ZPLD1: variants seen among roughly 807,000 people sequenced by gnomAD.
ZPLD1 encodes the protein zona pellucida like domain containing 1, also known as zona pellucida-like domain-containing protein 1.
ZPLD1 carries 34 observed loss-of-function variants against 47.2 expected under a neutral mutation model. That is an observed-to-expected ratio of 0.72 (90% CI 0.55 to 0.96). ZPLD1 has a LOEUF of 0.96. Among genes scored for constraint, ZPLD1 ranks in the 40% least tolerant of loss-of-function variants. The probability of loss-of-function intolerance (pLI) is 0.00; values close to 1 mark genes in which losing one functional copy is unlikely to be tolerated. For missense variants in ZPLD1, 512 were observed against 505.8 expected, an observed-to-expected ratio of 1.01 and a Z score of -0.12; for synonymous variants, 176 against 186.2, an observed-to-expected ratio of 0.95 and a Z score of 0.45.
chr3:102,443,620 C>T lies in ZPLD1; in HGVS notation c.106+5027C>T, dbSNP rs575036342. ...TGCTTGACTAAGGAAATCTTTTATT[C>T]GGTAATATTTTTAATATTTTAATAT... is the stretch of plus-strand genomic sequence containing the variant. On this transcript the variant is annotated intron_variant, in intron 3 of 11. Coordinates refer to ENST00000466937, the MANE Select transcript of ZPLD1 (RefSeq NM_001329788.2). Among the ~76,000 whole-genome samples, 34 of 152,094 alleles carry T rather than the reference C, an allele frequency of 2.2e-4. 1 individual carries two copies. The highest frequency in any genetic ancestry group is 3.9e-4 in the East Asian group (2 of 5,182).
intron 8 of ZPLD1, among the ~76,000 whole-genome samples, chr3:102,466,402 T>A (rs1260573217): frequency 6.6e-6 from 1 of 152,190 alleles, no homozygotes; most frequent in Admixed American, 6.5e-5. Flanking sequence ...TTTCTTGCAG[T>A]GTTCCAATAT....
intron 3 of ZPLD1, among the ~76,000 whole-genome samples, chr3:102,446,788 A>G: frequency 6.6e-6 from 1 of 152,168 alleles, no homozygotes; most frequent in Non-Finnish European, 1.5e-5. Flanking sequence ...ACAAATCTCT[A>G]GTATATCATT....
chr3:102,426,377 G>T (rs2107310559), intron 8 of ZPLD1, among the ~76,000 whole-genome samples: 1 of 152,132 alleles, frequency 6.6e-6, no homozygotes, highest in East Asian at 1.9e-4. Context: ...AATTAGCCAG[G>T]TGTGGTGGTG....
At chr3:102,463,353 C>T (rs1050769784) in intron 7 of ZPLD1, among the ~76,000 whole-genome samples, 1 of 152,160 alleles carries the variant, frequency 6.6e-6, no homozygotes, top group African/African-American at 2.4e-5. Context: ...TTATAACATT[C>T]TCTGATTCTG....
intron 8 of ZPLD1, among the ~76,000 whole-genome samples, chr3:102,426,383 T>C (rs1398777660): frequency 6.6e-6 from 1 of 151,952 alleles, no homozygotes; most frequent in Non-Finnish European, 1.5e-5. Flanking sequence ...CCAGGTGTGG[T>C]GGTGCATGCC....
At chr3:102,422,747 G>A (rs936192399) in intron 8 of ZPLD1, among the ~76,000 whole-genome samples, 3 of 152,058 alleles carry the variant, frequency 2.0e-5, no homozygotes, top group African/African-American at 7.2e-5. Flanking sequence ...TTTGGGAACT[G>A]TAGCAAGTCT....
chr3:102,468,286 A>G (rs1707628842), intron 8 of ZPLD1, among the ~76,000 whole-genome samples: 1 of 152,158 alleles, frequency 6.6e-6, no homozygotes, highest in Non-Finnish European at 1.5e-5. Context: ...GATTATATGG[A>G]TGTATTCTGT....
At chr3:102,471,143 A>T (rs1231912482) in intron 10 of ZPLD1, among the ~76,000 whole-genome samples, 1 of 152,080 alleles carries the variant, frequency 6.6e-6, no homozygotes, top group African/African-American at 2.4e-5. Flanking sequence ...GTCGCCCATG[A>T]CTACTAATTT....
At chr3:102,407,392 A>AATATAT (rs63183460) in intron 7 of ZPLD1, among the ~76,000 whole-genome samples, 1,061 of 37,692 alleles carry the variant, frequency 0.028, 63 homozygotes, top group Non-Finnish European at 0.042. Flanking sequence ...TTGATTTTCA[A>AATATAT]ATATATATAT....
chr3:102,469,169 G>T, intron 9 of ZPLD1, 34 bp downstream of exon 9: 1 of 1,593,714 alleles, frequency 6.3e-7, no homozygotes, highest in East Asian at 2.2e-5. Context: ...TTAAGTTGTT[G>T]AATTGATCTA....
rs1707803633 is a variant in ZPLD1, at chr3:102,479,233, T to C, written c.*1615T>C. On this transcript the variant is annotated 3_prime_UTR_variant, in exon 12 of 12. Coordinates refer to ENST00000466937, the MANE Select transcript of ZPLD1 (RefSeq NM_001329788.2). ...CATAAAAAGCCAATCTACTCTTCCC[T>C]GTGTTACTTTAAAATAACTTTGAAG... 6.6e-6 allele frequency: 1 copy of C among 152,204 alleles called. No homozygotes were observed. Among genetic ancestry groups the C allele is most frequent in the Non-Finnish European group, 1.5e-5 (1 of 68,014 alleles). The allele number at this position is 152,204 out of a possible 1,614,324, so 9.4% of individuals were successfully genotyped here. A position where few individuals can be genotyped will look rare whatever the true frequency, so the allele number is the denominator to read the frequency against.
At chr3:102,424,262 C>G (rs933139945) in intron 8 of ZPLD1, among the ~76,000 whole-genome samples, 2 of 152,080 alleles carry the variant, frequency 1.3e-5, no homozygotes, top group Non-Finnish European at 2.9e-5. Flanking sequence ...CATTTCCTTT[C>G]TCTGCCATCA....
chr3:102,398,912 A>T (rs781080557), intron 7 of ZPLD1, among the ~76,000 whole-genome samples: 12 of 152,180 alleles, frequency 7.9e-5, no homozygotes, highest in Non-Finnish European at 1.6e-4. Context: ...ATATGCACGC[A>T]CACACTTTTA....
chr3:102,388,515 A>G (rs1444657137), intron 6 of ZPLD1, among the ~76,000 whole-genome samples: 1 of 148,786 alleles, frequency 6.7e-6, no homozygotes, highest in Non-Finnish European at 1.5e-5. Context: ...ATACTAATTT[A>G]TCTCTGAGGA....
chr3:102,385,973 C>G (rs1160825354), intron 6 of ZPLD1, among the ~76,000 whole-genome samples: 1 of 152,190 alleles, frequency 6.6e-6, no homozygotes, highest in Admixed American at 6.5e-5. Context: ...TCTCTGCTCT[C>G]CACTGGACTA....
At chr3:102,445,405 C>T (rs1486319936) in intron 3 of ZPLD1, among the ~76,000 whole-genome samples, 1 of 152,174 alleles carries the variant, frequency 6.6e-6, no homozygotes, top group African/African-American at 2.4e-5. Flanking sequence ...ACTTTTCTCT[C>T]TTGTAAGCAT....
chr3:102,433,803 A>T (rs935465775), upstream of ZPLD1, among the ~76,000 whole-genome samples: 1 of 152,202 alleles, frequency 6.6e-6, no homozygotes, highest in African/African-American at 2.4e-5. Flanking sequence ...TGCTGAGATT[A>T]TAGGCGTGAG....
chr3:102,456,208 G>A lies in ZPLD1; in HGVS notation c.343G>A (p.Gly115Arg), dbSNP rs762073847. 6.2e-7 allele frequency: 1 copy of A among 1,612,652 alleles called. No homozygotes were observed. The highest frequency in any genetic ancestry group is 1.1e-5 in the South Asian group (1 of 90,662). The change falls in exon 5 of 12, where the codon GGA becomes AGA. Residue 115 changes from glycine to arginine, a missense_variant. Transcript: ENST00000466937. ...ATTCTAACAGGTATCCACAATTCCT[G>A]GAGTCAGTGCTTATGGAAATGCAAC... ...GNNLVVSTIP[G>R]VSAYGNATSV...
At chr3:102,456,068 CCTT>C in intron 4 of ZPLD1, 122 bp from the exon 5 acceptor site, 1 of 675,342 alleles carries the variant, frequency 1.5e-6, no homozygotes, top group Non-Finnish European at 2.2e-6. Context: ...TATTTCAAAA[CCTT>C]CTCATTTTAT....
Sources: gnomAD v4.1 joint callset for allele counts (sites outside exome capture counted in the v4.1 genomes callset) on GRCh38, gnomAD v4.1.1 for gene constraint, MANE v1.5 for transcripts, NCBI Gene and HGNC (gene_info 2026-07-23, HGNC 2026-07-21) for gene names.